The following TNIP1 variants were observed in gnomAD, a reference collection of about 807,000 sequenced individuals.
TNIP1 encodes TNFAIP3 interacting protein 1.
Under a neutral mutation model 86.6 loss-of-function variants are expected in TNIP1, and 22 were observed. The ratio of observed to expected loss-of-function variants is 0.25; its 90% CI spans 0.18 to 0.36. The LOEUF is 0.36. Among genes scored for constraint, TNIP1 ranks in the 10% least tolerant of loss-of-function variants. The pLI is 1.00. For synonymous variants in TNIP1, 294 were observed against 313.0 expected, an observed-to-expected ratio of 0.94 and a Z score of 0.64; for missense variants, 709 against 820.6, an observed-to-expected ratio of 0.86 and a Z score of 1.66.
intron 6 of TNIP1, among the ~76,000 whole-genome samples, chr5:151,054,538 C>A (rs371118812): frequency 6.6e-6 from 1 of 152,098 alleles, no homozygotes; most frequent in Non-Finnish European, 1.5e-5. Flanking sequence ...AAAAAATTGG[C>A]CAGGCATAAG....
chr5:151,037,945 G>A (rs528779273), intron 12 of TNIP1, among the ~76,000 whole-genome samples: 4 of 152,374 alleles, frequency 2.6e-5, no homozygotes, highest in Non-Finnish European at 5.9e-5. Context: ...CTGAGGTCCA[G>A]CGACAGGGAG....
chr5:151,062,959 C>T (rs1203028984), intron 3 of TNIP1, among the ~76,000 whole-genome samples: 1 of 152,242 alleles, frequency 6.6e-6, no homozygotes, highest in African/African-American at 2.4e-5. Flanking sequence ...AGCTGAGGTG[C>T]GGATCATTTC....
chr5:151,063,794 T>G (rs1326149213), intron 2 of TNIP1, 47 bp from the exon 3 acceptor site: 1 of 1,595,906 alleles, frequency 6.3e-7, no homozygotes. Flanking sequence ...CTCGGCTCAG[T>G]GTGCTGCTTC....
chr5:151,049,825 T>C lies in TNIP1; in HGVS notation c.845A>G (p.Gln282Arg). The C allele has an allele frequency of 6.2e-7, 1 of 1,614,200 alleles. No homozygotes were observed. Among genetic ancestry groups the C allele is most frequent in the Non-Finnish European group, 8.5e-7 (1 of 1,180,014 alleles). The change falls in exon 8 of 18, where the codon CAG becomes CGG. Residue 282 changes from glutamine to arginine, a missense_variant and splice_region_variant. Coordinates refer to ENST00000521591, the MANE Select transcript of TNIP1 (RefSeq NM_006058.5). ...TGKKAVAGQQ[Q>R]ASVTAGKVPE... ...CAGAAGGAATTTCTGACCACATACC[T>C]GCTGCTGTCCAGCCACTGCCTTCTT... is the stretch of plus-strand genomic sequence containing the variant.
rs1275996820 is a variant in TNIP1 at position 151,032,390 on chromosome 5, C to T, written c.1780-7G>A. 6.2e-7 allele frequency: 1 copy of T among 1,613,822 alleles called. No individual in the cohort carries two copies. Among genetic ancestry groups the T allele is most frequent in the East Asian group, 2.2e-5 (1 of 44,892 alleles). ...GACGCCAGGTGTATTCCGGCTGCGA[C>T]AAAACTGGTGCTTAATAATCAATAA... On this transcript the variant is annotated splice_region_variant and splice_polypyrimidine_tract_variant and intron_variant, in intron 16 of 17. Coordinates refer to ENST00000521591, the MANE Select transcript of TNIP1 (RefSeq NM_006058.5).
At chr5:151,041,420 GAGT>G (rs1758401477) in intron 11 of TNIP1, among the ~76,000 whole-genome samples, 1 of 152,110 alleles carries the variant, frequency 6.6e-6, no homozygotes, top group Non-Finnish European at 1.5e-5. Context: ...GTCCAGTCTG[GAGT>G]GCAGTGGCAC....
intron 1 of TNIP1, chr5:151,080,377 G>C (rs1327764828): frequency 6.6e-6 from 1 of 152,222 alleles, no homozygotes; most frequent in Non-Finnish European, 1.5e-5. Context: ...ATAAAATGGA[G>C]ATAATAACAA....
intron 13 of TNIP1, 100 bp downstream of exon 13, chr5:151,036,690 C>A: frequency 6.4e-7 from 1 of 1,573,236 alleles, no homozygotes. Context: ...AAGTGGATTA[C>A]TAATTACAGG....
chr5:151,070,949 T>A (rs984315598), intron 1 of TNIP1, among the ~76,000 whole-genome samples: 12 of 150,044 alleles, frequency 8.0e-5, no homozygotes, highest in African/African-American at 3.0e-4. Flanking sequence ...GACAGTGGTG[T>A]CAATGTAGAT....
intron 1 of TNIP1, among the ~76,000 whole-genome samples, chr5:151,068,347 CAG>C (rs1762476092): frequency 6.6e-6 from 1 of 152,162 alleles, no homozygotes. Flanking sequence ...TAACTTCTCC[CAG>C]AGAGAGGACT....
intron 1 of TNIP1, among the ~76,000 whole-genome samples, chr5:151,067,092 C>T (rs959301172): frequency 5.3e-5 from 8 of 152,224 alleles, no homozygotes; most frequent in African/African-American, 1.7e-4. Flanking sequence ...GCCTGCGAGG[C>T]AAAGGACAGC....
intron 15 of TNIP1, 124 bp from the exon 16 acceptor site, chr5:151,033,923 T>C: frequency 1.2e-6 from 1 of 844,896 alleles, no homozygotes; most frequent in Non-Finnish European, 1.7e-6. Context: ...AAGGCTGGTA[T>C]GTGGTCATGA....
chr5:151,072,820 T>C (rs943312258), intron 1 of TNIP1, among the ~76,000 whole-genome samples: 1 of 152,242 alleles, frequency 6.6e-6, no homozygotes, highest in Non-Finnish European at 1.5e-5. Context: ...AGCCTGGGTA[T>C]ACATTTGCTT....
chr5:151,080,589 C>G (rs1166460307), intron 1 of TNIP1, among the ~76,000 whole-genome samples: 1 of 152,254 alleles, frequency 6.6e-6, no homozygotes, highest in Non-Finnish European at 1.5e-5. Flanking sequence ...AGGGCCGCAG[C>G]GCCGCCCGCA....
chr5:151,063,163 C>T (rs372711941), intron 3 of TNIP1, among the ~76,000 whole-genome samples: 161 of 152,348 alleles, frequency 1.1e-3, no homozygotes, highest in Middle Eastern at 6.8e-3. Context: ...CCAGCTTCTT[C>T]CCTGGGCCTC....
At chr5:151,036,644 C>G in intron 13 of TNIP1, 146 bp downstream of exon 13, 1 of 1,231,144 alleles carries the variant, frequency 8.1e-7, no homozygotes, top group Admixed American at 2.4e-5. Flanking sequence ...AAAGGATAAA[C>G]CTAGAGCCAG....
chr5:151,043,408 G>A (rs945897013), intron 9 of TNIP1, among the ~76,000 whole-genome samples: 2 of 152,130 alleles, frequency 1.3e-5, no homozygotes, highest in Non-Finnish European at 2.9e-5. Flanking sequence ...AAAATCCAGA[G>A]GCCAATCTAA....
chr5:151,078,826 G>A (rs868729629), intron 1 of TNIP1, among the ~76,000 whole-genome samples: 1 of 152,306 alleles, frequency 6.6e-6, no homozygotes, highest in African/African-American at 2.4e-5. Flanking sequence ...GCGGGTACAG[G>A]AGTAAAACAG....
chr5:151,035,438 G>A, intron 14 of TNIP1, 144 bp downstream of exon 14: 1 of 1,194,844 alleles, frequency 8.4e-7, no homozygotes, highest in East Asian at 2.4e-5. Context: ...GAGGGGAAGG[G>A]CCTTGCCGAG....
Sources: gnomAD v4.1 joint callset for allele counts (sites outside exome capture counted in the v4.1 genomes callset) on GRCh38, gnomAD v4.1.1 for gene constraint, MANE v1.5 for transcripts, NCBI Gene and HGNC (gene_info 2026-07-23, HGNC 2026-07-21) for gene names.